CCDC6: variants seen among roughly 807,000 people sequenced by gnomAD.
CCDC6 encodes the protein coiled-coil domain containing 6, also known as coiled-coil domain-containing protein 6.
Under a neutral mutation model 56.6 loss-of-function variants are expected in CCDC6, and 20 were observed. The observed-to-expected ratio is 0.35, with a 90% CI of 0.25 to 0.51. CCDC6 has a LOEUF of 0.51. Among genes scored for constraint, CCDC6 ranks in the 20% least tolerant of loss-of-function variants. The pLI is 0.95. For missense variants in CCDC6, 367 were observed against 601.1 expected, an observed-to-expected ratio of 0.61 and a Z score of 4.07; for synonymous variants, 241 against 234.4, an observed-to-expected ratio of 1.03 and a Z score of -0.26.
At chr10:59,844,693 C>T (rs546373893) in intron 2 of CCDC6, among the ~76,000 whole-genome samples, 14 of 145,958 alleles carry the variant, frequency 9.6e-5, no homozygotes, top group Admixed American at 2.1e-4. Flanking sequence ...GCCCAAGAGA[C>T]GGAGGTTGCA....
intron 3 of CCDC6, among the ~76,000 whole-genome samples, chr10:59,826,788 T>G (rs2070791876): frequency 6.6e-6 from 1 of 152,192 alleles, no homozygotes; most frequent in Non-Finnish European, 1.5e-5. Flanking sequence ...GTGAAACATT[T>G]GAGGCTTAAA....
At chr10:59,856,966 C>G (rs1664285) in intron 1 of CCDC6, among the ~76,000 whole-genome samples, 58 of 151,894 alleles carry the variant, frequency 3.8e-4, no homozygotes, top group Non-Finnish European at 7.8e-4. Flanking sequence ...CTGGAGGAAA[C>G]AGAAAAATTT....
chr10:59,825,586 C>T (rs114655346), intron 3 of CCDC6, among the ~76,000 whole-genome samples: 127 of 152,344 alleles, frequency 8.3e-4, no homozygotes, highest in African/African-American at 3.0e-3. Context: ...CCACTGAGTT[C>T]ACTCATAAAT....
chr10:59,841,843 A>C (rs2070942750), intron 2 of CCDC6, among the ~76,000 whole-genome samples: 2 of 149,470 alleles, frequency 1.3e-5, no homozygotes, highest in South Asian at 4.2e-4. Flanking sequence ...AATTTTTTGT[A>C]ATTTTAGTAG....
intron 2 of CCDC6, 79 bp downstream of exon 2, chr10:59,852,474 C>A (rs888109000): frequency 3.4e-6 from 4 of 1,178,478 alleles, no homozygotes; most frequent in Non-Finnish European, 3.5e-6. Flanking sequence ...ATGTTACAAG[C>A]AAAGTGCTAT....
At chr10:59,856,975 T>G (rs929734606) in intron 1 of CCDC6, among the ~76,000 whole-genome samples, 2 of 152,178 alleles carry the variant, frequency 1.3e-5, no homozygotes, top group African/African-American at 2.4e-5. Context: ...ACAGAAAAAT[T>G]TATGATATTT....
chr10:59,794,366 G>A (rs965387280), intron 8 of CCDC6, 107 bp downstream of exon 8: 23 of 1,075,532 alleles, frequency 2.1e-5, no homozygotes, highest in Admixed American at 6.2e-5. Flanking sequence ...GGATGGAGGA[G>A]GCAGGAAGAA....
At chr10:59,893,526 A>G (rs1213166401) in intron 1 of CCDC6, among the ~76,000 whole-genome samples, 1 of 152,128 alleles carries the variant, frequency 6.6e-6, no homozygotes, top group Non-Finnish European at 1.5e-5. Flanking sequence ...GATCGCTTTG[A>G]GCCCAGGAGG....
chr10:59,828,228 T>C (rs2070805306), intron 3 of CCDC6, among the ~76,000 whole-genome samples: 1 of 152,198 alleles, frequency 6.6e-6, no homozygotes, highest in African/African-American at 2.4e-5. Context: ...AAGAAAAATC[T>C]GCAAGTCAGG....
Position 59,804,449 on chromosome 10 carries a change from G to C in CCDC6, c.1076C>G (p.Ser359Cys), listed in dbSNP as rs1251195656. ...TVSSPIPYTP[S>C]PSSSRPISPG... ...TGATATAGGCCTGCTTGAACTCGGA[G>C]AAGGTGTGTAAGGGATCGGGCTGGA... Residue 359 changes from serine (S) to cysteine (C), a missense_variant, in exon 7 of 9, where the codon TCT becomes TGT. Physicochemically the swap from Ser to Cys is moderately radical, Grantham distance 112. Around this residue, in one of 7 missense-constraint regions of CCDC6, gnomAD observed 79 missense variants for 83.9 expected, o/e 0.94. Transcript: ENST00000263102. 10 of 1,612,466 alleles carry C rather than the reference G, an allele frequency of 6.2e-6. No individual in the cohort carries two copies. The highest frequency in any genetic ancestry group is 8.5e-6 in the Non-Finnish European group (10 of 1,178,502).
At chr10:59,839,915 TC>T (rs2070921552) in intron 2 of CCDC6, among the ~76,000 whole-genome samples, 2 of 152,198 alleles carry the variant, frequency 1.3e-5, no homozygotes, top group Admixed American at 1.3e-4. Flanking sequence ...AACCTCCGAC[TC>T]CCTGGTTCAA....
chr10:59,794,675 C>T (rs759880044), intron 7 of CCDC6, 78 bp from the exon 8 acceptor site: 35 of 1,272,450 alleles, frequency 2.8e-5, no homozygotes, highest in South Asian at 5.2e-5. Context: ...GGTTTTAAAT[C>T]GCAGTAGTTC....
intron 3 of CCDC6, among the ~76,000 whole-genome samples, chr10:59,816,916 T>C (rs747506349): frequency 8.5e-5 from 13 of 152,134 alleles, no homozygotes; most frequent in Non-Finnish European, 1.8e-4. Flanking sequence ...AGCTTCAAAA[T>C]ATGTTGTTTT....
intron 1 of CCDC6, among the ~76,000 whole-genome samples, chr10:59,905,711 T>G (rs967567161): frequency 6.6e-6 from 1 of 152,056 alleles, no homozygotes; most frequent in Non-Finnish European, 1.5e-5. Context: ...CAGTAAGAGA[T>G]CCCAGCTTCC....
chr10:59,806,373 T>C (rs1289863113), intron 6 of CCDC6: 2 of 152,216 alleles, frequency 1.3e-5, no homozygotes, highest in Admixed American at 6.5e-5. Flanking sequence ...AGGGGATTCA[T>C]TGCTTAGGTT....
chr10:59,802,235 A>C (rs2070582685), intron 7 of CCDC6, among the ~76,000 whole-genome samples: 1 of 152,216 alleles, frequency 6.6e-6, no homozygotes, highest in Non-Finnish European at 1.5e-5. Context: ...TTTCAAGTAC[A>C]TTTTCAATAT....
At chr10:59,854,413 A>G (rs901283879) in intron 1 of CCDC6, among the ~76,000 whole-genome samples, 1 of 152,188 alleles carries the variant, frequency 6.6e-6, no homozygotes, top group African/African-American at 2.4e-5. Flanking sequence ...GAGCTACACA[A>G]ACACAAACAG....
chr10:59,840,297 T>G (rs1275086226), intron 2 of CCDC6, among the ~76,000 whole-genome samples: 1 of 152,264 alleles, frequency 6.6e-6, no homozygotes, highest in Non-Finnish European at 1.5e-5. Context: ...TGTAATGATT[T>G]CAATTTTCTA....
intron 1 of CCDC6, among the ~76,000 whole-genome samples, chr10:59,890,422 G>A (rs778376442): frequency 5.3e-4 from 80 of 152,160 alleles, no homozygotes; most frequent in Non-Finnish European, 8.8e-4. Flanking sequence ...ATGCTGCGTC[G>A]GCTTCTTCTC....
Sources: gnomAD v4.1 joint callset for allele counts (sites outside exome capture counted in the v4.1 genomes callset) on GRCh38, gnomAD v4.1.1 for gene constraint, gnomAD v4.1.1 regional missense constraint, MANE v1.5 for transcripts, NCBI Gene and HGNC (gene_info 2026-07-23, HGNC 2026-07-21) for gene names.